The following ANGPT1 variants were observed in gnomAD, a reference collection of about 807,000 sequenced individuals.
The protein encoded by ANGPT1 is angiopoietin 1.
A neutral mutation model predicts 62.2 loss-of-function variants in ANGPT1; 17 were observed. The ratio of observed to expected loss-of-function variants is 0.27; its 90% CI spans 0.19 to 0.41. The LOEUF (loss-of-function observed/expected upper bound fraction) is 0.41, where lower values mean the gene tolerates loss of function less well. Ranked by LOEUF, ANGPT1 falls within the 10% of genes least tolerant of loss-of-function variation. ANGPT1 has a pLI of 1.00. For missense variants in ANGPT1, 478 were observed against 594.9 expected, an observed-to-expected ratio of 0.80 and a Z score of 2.04; for synonymous variants, 199 against 198.9, an observed-to-expected ratio of 1.00 and a Z score of 0.00.
intron 1 of ANGPT1, among the ~76,000 whole-genome samples, chr8:107,388,873 A>T (rs1816782986): frequency 6.6e-6 from 1 of 152,206 alleles, no homozygotes; most frequent in Non-Finnish European, 1.5e-5. Flanking sequence ...GATATGAAAT[A>T]GTAAAGTATT....
At chr8:107,426,925 A>C (rs1037064206) in intron 1 of ANGPT1, among the ~76,000 whole-genome samples, 2 of 152,324 alleles carry the variant, frequency 1.3e-5, no homozygotes, top group Non-Finnish European at 2.9e-5. Flanking sequence ...TGTGTGGAAA[A>C]CCAGAGGATT....
intron 4 of ANGPT1, among the ~76,000 whole-genome samples, chr8:107,313,442 T>G (rs1042801121): frequency 7.9e-6 from 1 of 126,924 alleles, no homozygotes. Flanking sequence ...TTTTTTTTTT[T>G]TTTTTTTTTT....
intron 7 of ANGPT1, among the ~76,000 whole-genome samples, chr8:107,276,148 A>G (rs766613349): frequency 2.1e-4 from 32 of 152,164 alleles, no homozygotes; most frequent in Admixed American, 1.3e-3. Context: ...GGATTAAAAT[A>G]TAAATTTTGA....
intron 1 of ANGPT1, among the ~76,000 whole-genome samples, chr8:107,477,238 T>A (rs2130511963): frequency 6.6e-6 from 1 of 152,292 alleles, no homozygotes; most frequent in Non-Finnish European, 1.5e-5. Context: ...TCTCCATCCA[T>A]TCGTTTATTA....
intron 1 of ANGPT1, among the ~76,000 whole-genome samples, chr8:107,467,472 G>C (rs901229902): frequency 6.6e-6 from 1 of 152,028 alleles, no homozygotes; most frequent in East Asian, 1.9e-4. Flanking sequence ...AAAGAGTATG[G>C]ATAAGAAAGA....
At chr8:107,360,926 AC>A (rs765804713) in intron 1 of ANGPT1, among the ~76,000 whole-genome samples, 1 of 152,226 alleles carries the variant, frequency 6.6e-6, no homozygotes, top group Non-Finnish European at 1.5e-5. Context: ...ATTTTATATG[AC>A]AAGTTGACTT....
chr8:107,449,944 C>A (rs1013511362), intron 1 of ANGPT1, among the ~76,000 whole-genome samples: 1 of 152,002 alleles, frequency 6.6e-6, no homozygotes, highest in African/African-American at 2.4e-5. Context: ...TATGTACTTA[C>A]AAAGCTTAGA....
chr8:107,272,814 G>T (rs963472862), intron 7 of ANGPT1, among the ~76,000 whole-genome samples: 1 of 150,526 alleles, frequency 6.6e-6, no homozygotes, highest in Admixed American at 6.7e-5. Context: ...AGAAATACAT[G>T]CTCAGTGATT....
At chr8:107,452,316 A>G (rs1209861725) in intron 1 of ANGPT1, among the ~76,000 whole-genome samples, 1 of 151,688 alleles carries the variant, frequency 6.6e-6, no homozygotes. Flanking sequence ...CGGAGAGACC[A>G]TGGACCATCA....
At chr8:107,496,049 CTAAG>C (rs1813085319) in intron 1 of ANGPT1, among the ~76,000 whole-genome samples, 3 of 152,272 alleles carry the variant, frequency 2.0e-5, no homozygotes, top group Admixed American at 6.5e-5. Flanking sequence ...AGGCAATGAC[CTAAG>C]TGAGTGTGAC....
chr8:107,312,959 A>G (rs1329221390), intron 4 of ANGPT1, among the ~76,000 whole-genome samples: 3 of 152,132 alleles, frequency 2.0e-5, no homozygotes, highest in Non-Finnish European at 4.4e-5. Flanking sequence ...TGGATAATTA[A>G]TTATGATTAA....
chr8:107,318,517 G>T (rs1815073494), intron 4 of ANGPT1, among the ~76,000 whole-genome samples: 1 of 152,082 alleles, frequency 6.6e-6, no homozygotes, highest in Non-Finnish European at 1.5e-5. Context: ...TGCATTATAG[G>T]CATTTTAGAA....
At chr8:107,256,301 A>C (rs985980549) in intron 8 of ANGPT1, among the ~76,000 whole-genome samples, 1 of 152,250 alleles carries the variant, frequency 6.6e-6, no homozygotes, top group Non-Finnish European at 1.5e-5. Context: ...GTTTTCTTTG[A>C]TATATACATT....
At chr8:107,398,856 T>A (rs1816988418) in intron 1 of ANGPT1, among the ~76,000 whole-genome samples, 1 of 152,122 alleles carries the variant, frequency 6.6e-6, no homozygotes, top group Non-Finnish European at 1.5e-5. Context: ...CACTGGGACA[T>A]TTTCAGTATT....
chr8:107,370,195 A>AAAGAAAGAAAGAAAGAAAGAAAG (rs1554586919), intron 1 of ANGPT1, among the ~76,000 whole-genome samples: 1 of 93,258 alleles, frequency 1.1e-5, no homozygotes. Flanking sequence ...AAGAAAGAAA[A>AAAGAAAGAAAGAAAGAAAGAAAG]AAAGAAAGAA....
At chr8:107,427,114 T>A (rs1388645282) in intron 1 of ANGPT1, among the ~76,000 whole-genome samples, 5 of 152,224 alleles carry the variant, frequency 3.3e-5, no homozygotes, top group African/African-American at 1.2e-4. Context: ...TGATTCTGAT[T>A]TTAAAACATC....
At chr8:107,441,689 C>T (rs933530145) in intron 1 of ANGPT1, among the ~76,000 whole-genome samples, 2 of 152,094 alleles carry the variant, frequency 1.3e-5, no homozygotes, top group East Asian at 1.9e-4. Flanking sequence ...TAATAACCTC[C>T]GAGTCCTTTG....
intron 2 of ANGPT1, 78 bp downstream of exon 2, chr8:107,346,864 C>T (rs1815814841): frequency 2.3e-6 from 3 of 1,311,976 alleles, no homozygotes; most frequent in African/African-American, 1.5e-5. Context: ...CTGAAATGTG[C>T]TCTGTGTTTA....
chr8:107,457,825 TACACACACAC>T (rs148742634), intron 1 of ANGPT1, among the ~76,000 whole-genome samples: 126 of 81,758 alleles, frequency 1.5e-3, no homozygotes, highest in African/African-American at 5.2e-3. Flanking sequence ...ACATACCCAC[TACACACACAC>T]ACACACACAC....
Sources: allele counts gnomAD v4.1 joint callset (sites outside exome capture counted in the v4.1 genomes callset), GRCh38; gene constraint gnomAD v4.1.1; transcripts MANE v1.5; gene names NCBI Gene and HGNC (gene_info 2026-07-23, HGNC 2026-07-21).